The following REPS2 variants were observed in gnomAD, a reference collection of about 807,000 sequenced individuals.
REPS2 encodes the protein RALBP1 associated Eps domain containing 2, also known as ralBP1-associated Eps domain-containing protein 2.
A neutral mutation model predicts 53.6 loss-of-function variants in REPS2; 23 were observed. The observed-to-expected ratio is 0.43, with a 90% CI of 0.31 to 0.61. The LOEUF (loss-of-function observed/expected upper bound fraction) is 0.61, where lower values mean the gene tolerates loss of function less well. Among genes scored for constraint, REPS2 ranks in the 20% least tolerant of loss-of-function variants. REPS2 has a pLI of 0.11. For missense variants in REPS2, 446 were observed against 534.9 expected (o/e 0.83, Z 1.64); for synonymous variants, 238 against 218.6 (o/e 1.09, Z -0.78).
intron 1 of REPS2, among the ~76,000 whole-genome samples, chrX:16,965,339 A>G (rs1602526805): frequency 1.8e-5 from 2 of 110,839 alleles, no homozygotes; most frequent in South Asian, 7.3e-4. Context: ...TCCCTCCCGG[A>G]CGGGGCGGCT....
At chrX:16,986,124 C>T (rs1357203806) in intron 1 of REPS2, among the ~76,000 whole-genome samples, 1 of 111,909 alleles carries the variant, frequency 8.9e-6, no homozygotes, top group Non-Finnish European at 1.9e-5. Context: ...TTTAATGCAA[C>T]TTATATATTG....
intron 6 of REPS2, among the ~76,000 whole-genome samples, chrX:17,050,159 T>C (rs1602810804): frequency 1.2e-4 from 5 of 40,915 alleles, no homozygotes; most frequent in African/African-American, 6.3e-4. Context: ...TCTTTCTTTC[T>C]TTCTTTCTTT....
At chrX:16,965,433 G>T (rs2060745862) in intron 1 of REPS2, among the ~76,000 whole-genome samples, 2 of 111,378 alleles carry the variant, frequency 1.8e-5, no homozygotes, top group African/African-American at 3.3e-5. Context: ...CCCAGACGGG[G>T]TGGCTGCTGG....
intron 1 of REPS2, among the ~76,000 whole-genome samples, chrX:17,005,501 A>G (rs374125926): frequency 3.6e-4 from 40 of 111,556 alleles, no homozygotes; most frequent in African/African-American, 1.1e-3. Flanking sequence ...AAGCAAGTCT[A>G]AGACACTGTA....
At chrX:17,093,530 A>C (rs966658600) in intron 13 of REPS2, among the ~76,000 whole-genome samples, 1 of 109,367 alleles carries the variant, frequency 9.1e-6, no homozygotes, top group African/African-American at 3.3e-5. Context: ...CATTGATAGA[A>C]CTCCAAGACT....
intron 14 of REPS2, among the ~76,000 whole-genome samples, chrX:17,126,954 A>G (rs1459620964): frequency 9.8e-5 from 11 of 112,206 alleles, no homozygotes; most frequent in African/African-American, 3.6e-4. Flanking sequence ...AGAAGAAGAT[A>G]TACATGGGTT....
At chrX:17,061,955 A>G (rs1447567594) in intron 8 of REPS2, among the ~76,000 whole-genome samples, 1 of 112,534 alleles carries the variant, frequency 8.9e-6, no homozygotes, top group Non-Finnish European at 1.9e-5. Context: ...TCGTAAAATC[A>G]TGTTGGGTGC....
chrX:17,090,156 A>G (rs747224991), intron 13 of REPS2, among the ~76,000 whole-genome samples: 3 of 112,044 alleles, frequency 2.7e-5, no homozygotes, highest in Non-Finnish European at 5.6e-5. Context: ...TCATGTGCTT[A>G]TTAGTTATTC....
At chrX:17,101,202 C>T (rs1022984700) in intron 13 of REPS2, among the ~76,000 whole-genome samples, 18 of 108,587 alleles carry the variant, frequency 1.7e-4, no homozygotes, top group Non-Finnish European at 2.5e-4. Context: ...TACAGGCGCC[C>T]GCCACCATGC....
chrX:17,077,317 G>A lies in REPS2; in HGVS notation c.1426G>A (p.Asp476Asn). The change falls in exon 13 of 18, where the codon GAC becomes AAC. Residue 476 changes from aspartate (D) to asparagine (N), a missense_variant. Transcript: ENST00000357277. ...AGAAGAGGCCATGAAAAGGGGCGAG[G>A]ACCCTCCCACCCCGCCACCTCGGCC... ...SIEEAMKRGE[D>N]PPTPPPRPQK... 1 of 1,208,993 alleles carries A rather than the reference G, an allele frequency of 8.3e-7. No homozygotes were observed. Among genetic ancestry groups the A allele is most frequent in the South Asian group, 1.8e-5 (1 of 56,613 alleles).
At chrX:17,061,032 A>T (rs2062151424) in intron 8 of REPS2, among the ~76,000 whole-genome samples, 1 of 110,969 alleles carries the variant, frequency 9.0e-6, no homozygotes, top group Non-Finnish European at 1.9e-5. Flanking sequence ...AATTGACAAA[A>T]TTATAGTTTT....
the REPS2 span, among the ~76,000 whole-genome samples, chrX:17,163,296 T>G: frequency 2.7e-5 from 3 of 111,913 alleles, no homozygotes; most frequent in Admixed American, 9.5e-5. Context: ...AGATTGTTCA[T>G]TCTTAGGAAA....
intron 17 of REPS2, among the ~76,000 whole-genome samples, chrX:17,141,945 GC>G (rs1333553980): frequency 9.0e-6 from 1 of 111,567 alleles, no homozygotes. Context: ...AGCTGGAATT[GC>G]TTAAACAAAT....
chrX:17,118,565 T>TGCTGTAGAAGAAAAGG (rs2063096488), intron 14 of REPS2, among the ~76,000 whole-genome samples: 2 of 112,242 alleles, frequency 1.8e-5, no homozygotes, highest in Admixed American at 9.5e-5. Flanking sequence ...TAAGCCAGCC[T>TGCTGTAGAAGAAAAGG]GCTGTAGAAG....
At chrX:16,965,676 G>A (rs2147662031) in intron 1 of REPS2, among the ~76,000 whole-genome samples, 1 of 112,831 alleles carries the variant, frequency 8.9e-6, no homozygotes, top group African/African-American at 3.2e-5. Flanking sequence ...ATGGCGGCCG[G>A]GAAGAGGCGC....
intron 8 of REPS2, among the ~76,000 whole-genome samples, chrX:17,055,658 A>G (rs2062058514): frequency 9.2e-6 from 1 of 108,308 alleles, no homozygotes; most frequent in South Asian, 4.2e-4. Context: ...CTATGCAGCC[A>G]TAAAAAATGA....
At chrX:17,072,011 G>T (rs2062313433) in intron 11 of REPS2, among the ~76,000 whole-genome samples, 1 of 111,518 alleles carries the variant, frequency 9.0e-6, no homozygotes, top group African/African-American at 3.3e-5. Context: ...CCCATGTTGA[G>T]GTGTTTTCAG....
At chrX:17,114,718 C>T (rs1022349265) in intron 14 of REPS2, among the ~76,000 whole-genome samples, 2 of 112,184 alleles carry the variant, frequency 1.8e-5, no homozygotes, top group African/African-American at 6.5e-5. Flanking sequence ...ATGACTCTAG[C>T]AATTGTGAGG....
At chrX:17,016,239 G>A (rs1298164197) in intron 2 of REPS2, among the ~76,000 whole-genome samples, 1 of 110,952 alleles carries the variant, frequency 9.0e-6, no homozygotes, top group Non-Finnish European at 1.9e-5. Context: ...CATATCCTTC[G>A]CCCACTTTAA....
Sources: allele counts gnomAD v4.1 joint callset (sites outside exome capture counted in the v4.1 genomes callset), GRCh38; gene constraint gnomAD v4.1.1; transcripts MANE v1.5; gene names NCBI Gene and HGNC (gene_info 2026-07-23, HGNC 2026-07-21).